RABGAP1L: variants seen among roughly 807,000 people sequenced by gnomAD.
The protein encoded by RABGAP1L is RAB GTPase activating protein 1 like.
In RABGAP1L, 63 loss-of-function variants were observed where a neutral mutation model predicts 137.7. The observed-to-expected ratio is 0.46, with a 90% confidence interval of 0.37 to 0.56. The LOEUF (loss-of-function observed/expected upper bound fraction) is 0.56. Among genes scored for constraint, RABGAP1L ranks in the 20% least tolerant of loss-of-function variants. The pLI is 0.00. For synonymous variants in RABGAP1L, 431 were observed against 433.7 expected, an observed-to-expected ratio of 0.99 and a Z score of 0.08; for missense variants, 1,095 against 1,244.0, an observed-to-expected ratio of 0.88 and a Z score of 1.80.
At chr1:174,657,461 T>A (rs923138397) in intron 14 of RABGAP1L, among the ~76,000 whole-genome samples, 1 of 152,160 alleles carries the variant, frequency 6.6e-6, no homozygotes, top group Non-Finnish European at 1.5e-5. Flanking sequence ...TGAGATCAAC[T>A]TTTTTAGCTT....
At chr1:174,583,799 A>G (rs1036351110) in intron 13 of RABGAP1L, among the ~76,000 whole-genome samples, 7 of 152,208 alleles carry the variant, frequency 4.6e-5, no homozygotes, top group Non-Finnish European at 8.8e-5. Flanking sequence ...TTTAGGCTTA[A>G]TAATACCTTA....
intron 19 of RABGAP1L, among the ~76,000 whole-genome samples, chr1:174,912,121 A>G (rs928948863): frequency 7.2e-6 from 1 of 139,824 alleles, no homozygotes; most frequent in Non-Finnish European, 1.5e-5. Flanking sequence ...TGATTTCATT[A>G]AATTCCTTTG....
intron 13 of RABGAP1L, chr1:174,449,029 A>G (rs145628903): frequency 3.7e-6 from 6 of 1,613,880 alleles, no homozygotes; most frequent in Non-Finnish European, 4.2e-6. Flanking sequence ...CCTGGCTTGC[A>G]ATAAGTAATA....
rs1685258048 is a variant in RABGAP1L, at chr1:174,761,887, A to G, written c.2211+9533A>G. Among the ~76,000 whole-genome samples the G allele has an allele frequency of 6.6e-6, 1 of 152,126 alleles. No homozygotes were observed. The highest frequency in any genetic ancestry group is 6.5e-5 in the Admixed American group (1 of 15,272). On this transcript the variant is annotated intron_variant, in intron 18 of 25. Transcript: ENST00000681986. This position sits in a 1 kb window ranked among gnomAD's most constrained non-coding sequence, Gnocchi z 4.0. ...ACCATATCAACAATAAACATAATAA[A>G]TATATAAATATAGTATATTAGAAGT...
chr1:174,357,188 G>A lies in RABGAP1L; in HGVS notation c.1466-13791G>A, dbSNP rs566058825. ...TCTTCTAATGTTAAAATTTATAGAG[G>A]AAGTTGGGACTGCTAGTTAAGAATG... On this transcript the variant is annotated intron_variant, in intron 11 of 25. Transcript: ENST00000681986. Among the ~76,000 whole-genome samples, 3 of 152,270 alleles carry A rather than the reference G, an allele frequency of 2.0e-5. No homozygotes were observed. In the East Asian group the frequency reaches 5.8e-4, roughly 29 times the overall value.
chr1:174,568,201 C>T (rs1022201884), intron 13 of RABGAP1L, among the ~76,000 whole-genome samples: 6 of 152,076 alleles, frequency 3.9e-5, no homozygotes, highest in African/African-American at 1.4e-4. Context: ...CTCTTTCACA[C>T]AGCCAGATCT....
chr1:174,414,037 G>A (rs920408726), intron 13 of RABGAP1L, among the ~76,000 whole-genome samples: 5 of 152,144 alleles, frequency 3.3e-5, no homozygotes, highest in African/African-American at 1.2e-4. Context: ...TGTATGGTCT[G>A]TAAGTGTTTG....
At chr1:174,750,947 C>A (rs151223711) in intron 17 of RABGAP1L, among the ~76,000 whole-genome samples, 1 of 152,246 alleles carries the variant, frequency 6.6e-6, no homozygotes, top group East Asian at 1.9e-4. Flanking sequence ...AATTTTGATT[C>A]AGAAAGCAAA....
chr1:174,732,227 A>G (rs1202247719), intron 17 of RABGAP1L, among the ~76,000 whole-genome samples: 4 of 151,592 alleles, frequency 2.6e-5, no homozygotes, highest in Admixed American at 2.6e-4. Flanking sequence ...GGATTGTTAG[A>G]CTTGAAAGTA....
At chr1:174,797,559 G>A (rs1398801055) in intron 18 of RABGAP1L, among the ~76,000 whole-genome samples, 1 of 122,730 alleles carries the variant, frequency 8.1e-6, no homozygotes, top group South Asian at 3.1e-4. Context: ...GTGCAGGAGG[G>A]TGTGGGGGGT....
At chr1:174,274,374 A>G (rs958407433) in intron 8 of RABGAP1L, among the ~76,000 whole-genome samples, 1 of 152,054 alleles carries the variant, frequency 6.6e-6, no homozygotes, top group African/African-American at 2.4e-5. Context: ...ATTATAATGT[A>G]TTTTTACTGT....
chr1:174,583,802 A>G (rs1668917250), intron 13 of RABGAP1L, among the ~76,000 whole-genome samples: 1 of 152,178 alleles, frequency 6.6e-6, no homozygotes, highest in Non-Finnish European at 1.5e-5. Context: ...AGGCTTAATA[A>G]TACCTTACTA....
At chr1:174,572,388 G>C (rs1458397108) in intron 13 of RABGAP1L, among the ~76,000 whole-genome samples, 2 of 151,942 alleles carry the variant, frequency 1.3e-5, no homozygotes, top group African/African-American at 4.8e-5. Context: ...TGTTGTTTTT[G>C]TTTGTTTGTT....
intron 12 of RABGAP1L, among the ~76,000 whole-genome samples, chr1:174,391,534 C>T (rs1687210706): frequency 1.3e-5 from 2 of 151,872 alleles, no homozygotes; most frequent in East Asian, 2.0e-4. Context: ...CCATGTTGCC[C>T]AGTCTGGAAC....
intron 7 of RABGAP1L, among the ~76,000 whole-genome samples, chr1:174,271,691 T>G: frequency 6.6e-6 from 1 of 152,032 alleles, no homozygotes; most frequent in African/African-American, 2.4e-5. Context: ...CATAAAAATC[T>G]TCGAGTTAGC....
intron 19 of RABGAP1L, among the ~76,000 whole-genome samples, chr1:174,904,632 C>A (rs1209524255): frequency 1.3e-5 from 2 of 151,958 alleles, no homozygotes; most frequent in African/African-American, 4.8e-5. Context: ...AGGTACATTT[C>A]TTTCTTTCTT....
intron 17 of RABGAP1L, among the ~76,000 whole-genome samples, chr1:174,739,284 A>G (rs1683197161): frequency 6.6e-6 from 1 of 152,224 alleles, no homozygotes; most frequent in Non-Finnish European, 1.5e-5. Flanking sequence ...ATAAAAGCTA[A>G]TTACTAATAG....
chr1:174,895,109 C>T (rs114621156), intron 19 of RABGAP1L, among the ~76,000 whole-genome samples: 53 of 152,172 alleles, frequency 3.5e-4, no homozygotes, highest in Middle Eastern at 6.8e-3. Flanking sequence ...TCCTCTGAAC[C>T]CTTATCAGGT....
At chr1:174,349,341 C>A (rs1238522637) in intron 11 of RABGAP1L, among the ~76,000 whole-genome samples, 1 of 122,434 alleles carries the variant, frequency 8.2e-6, no homozygotes, top group African/African-American at 3.5e-5. Context: ...GATGGGGCCA[C>A]TGGCCGGGCA....
Sources: gnomAD v4.1 joint callset for allele counts (sites outside exome capture counted in the v4.1 genomes callset) on GRCh38, gnomAD v4.1.1 for gene constraint, Gnocchi (gnomAD v3.1) non-coding constraint, MANE v1.5 for transcripts, NCBI Gene and HGNC (gene_info 2026-07-23, HGNC 2026-07-21) for gene names.